Variants in ERC1 observed in about 807,000 individuals in gnomAD.
The protein encoded by ERC1 is RAB6 interacting protein 2.
A neutral mutation model predicts 132.0 loss-of-function variants in ERC1; 56 were observed. That is an observed-to-expected ratio of 0.42 (90% CI 0.34 to 0.53). The LOEUF (loss-of-function observed/expected upper bound fraction) is 0.53, where lower values mean the gene tolerates loss of function less well. ERC1 is among the 20% of genes least tolerant of loss of function. The pLI is 0.03. For synonymous variants in ERC1, 478 were observed against 476.1 expected (o/e 1.00, Z -0.05); for missense variants, 1,202 against 1,349.9 (o/e 0.89, Z 1.72).
rs529156327 is a variant in ERC1, at chr12:1,169,089, T to C, written c.1738-11451T>C. On this transcript the variant is annotated intron_variant, in intron 8 of 18. Transcript: ENST00000360905. ...ACACTGGTTTCTAGGTTTTACAAAA[T>C]CATAAAATATGTGTATGGTTCAAAT... Among the ~76,000 whole-genome samples, 315 of 152,280 alleles carry C rather than the reference T, an allele frequency of 2.1e-3. 1 individual carries two copies. The highest frequency in any genetic ancestry group is 3.2e-3 in the Non-Finnish European group (215 of 68,012).
At chr12:1,180,306 C>T in intron 8 of ERC1, among the ~76,000 whole-genome samples, 1 of 141,760 alleles carries the variant, frequency 7.1e-6, no homozygotes, top group Non-Finnish European at 1.5e-5. Flanking sequence ...TGCGCGCGCG[C>T]ATACACATGT....
At chr12:1,463,559 A>G (rs2093682503) in intron 18 of ERC1, among the ~76,000 whole-genome samples, 1 of 152,236 alleles carries the variant, frequency 6.6e-6, no homozygotes, top group Non-Finnish European at 1.5e-5. Flanking sequence ...CAAAAAACCT[A>G]AGGGCAGCAT....
At chr12:1,398,171 A>C (rs1328527207) in intron 16 of ERC1, among the ~76,000 whole-genome samples, 1 of 151,774 alleles carries the variant, frequency 6.6e-6, no homozygotes, top group Non-Finnish European at 1.5e-5. Flanking sequence ...TTTTGTAGAG[A>C]TGGGGTTTCA....
chr12:1,340,756 T>A lies in ERC1; in HGVS notation c.2781-31077T>A, dbSNP rs575486935. Among the ~76,000 whole-genome samples the A allele has an allele frequency of 1.2e-4, 19 of 152,252 alleles. 1 individual carries two copies. The highest frequency in any genetic ancestry group is 4.6e-4 in the African/African-American group (19 of 41,556). On this transcript the variant is annotated intron_variant, in intron 15 of 18. Transcript: ENST00000360905. Reference sequence around the variant, plus strand: ...CCACCTGGCTGCTTTTAGTAGGCTTTAGTGCCCTTCCCCTCTTTTTTAATA... The same window carrying A: ...CCACCTGGCTGCTTTTAGTAGGCTTAAGTGCCCTTCCCCTCTTTTTTAATA...
At chr12:1,266,845 A>G (rs1460168895) in intron 14 of ERC1, among the ~76,000 whole-genome samples, 2 of 152,214 alleles carry the variant, frequency 1.3e-5, no homozygotes, top group African/African-American at 2.4e-5. Flanking sequence ...CTCAGATTCA[A>G]AAGTTACCTG....
At chr12:1,180,463 A>G (rs1954319769) in intron 8 of ERC1, 77 bp from the exon 9 acceptor site, 1 of 1,378,242 alleles carries the variant, frequency 7.3e-7, no homozygotes, top group African/African-American at 1.4e-5. Context: ...CTGTTTTCAA[A>G]TTGAAATGAT....
intron 15 of ERC1, among the ~76,000 whole-genome samples, chr12:1,291,808 C>T (rs966920736): frequency 4.7e-4 from 72 of 152,238 alleles, no homozygotes; most frequent in Middle Eastern, 3.4e-3. Flanking sequence ...AGACGTAAAA[C>T]GGTTCACTTG....
intron 1 of ERC1, among the ~76,000 whole-genome samples, chr12:1,020,243 T>G (rs1487917114): frequency 2.6e-5 from 4 of 152,114 alleles, no homozygotes; most frequent in Non-Finnish European, 4.4e-5. Flanking sequence ...GATCGCCTGA[T>G]ATCAGGAGTT....
intron 18 of ERC1, among the ~76,000 whole-genome samples, chr12:1,487,934 C>G (rs191717413): frequency 9.2e-5 from 14 of 151,500 alleles, no homozygotes; most frequent in African/African-American, 3.1e-4. Context: ...GTCAGGAGAT[C>G]TAGACCATTC....
At chr12:1,214,699 CACAT>C (rs1211018958) in intron 12 of ERC1, among the ~76,000 whole-genome samples, 1 of 137,014 alleles carries the variant, frequency 7.3e-6, no homozygotes, top group Non-Finnish European at 1.5e-5. Flanking sequence ...CACACACACA[CACAT>C]ATGTTTGGGG....
chr12:1,397,630 A>G (rs767764918), intron 16 of ERC1, among the ~76,000 whole-genome samples: 1 of 152,224 alleles, frequency 6.6e-6, no homozygotes, highest in Admixed American at 6.5e-5. Flanking sequence ...TATGATTGCT[A>G]ATAATTGCAA....
chr12:1,342,831 C>T (rs895017406), intron 15 of ERC1, among the ~76,000 whole-genome samples: 2 of 152,124 alleles, frequency 1.3e-5, no homozygotes, highest in African/African-American at 4.8e-5. Context: ...CTATGCCATG[C>T]CACTAATTTA....
chr12:1,229,853 A>AT (rs1158372277), intron 12 of ERC1, among the ~76,000 whole-genome samples: 4 of 150,764 alleles, frequency 2.7e-5, no homozygotes, highest in African/African-American at 7.3e-5. Flanking sequence ...TCTTTTTTCT[A>AT]TTTTTTTGAG....
Position 1,400,437 on chromosome 12 carries a change from A to AT in ERC1, c.2926-7703dup, listed in dbSNP as rs200916802. ...TATAAATTTTGATGTGCTCCGATTT[A>AT]TTTTTTTTTCTTTTGCCGCTTTCGC... On this transcript the variant is annotated intron_variant, in intron 16 of 18. Coordinates refer to ENST00000360905, the MANE Select transcript of ERC1 (RefSeq NM_178040.4). Among the ~76,000 whole-genome samples the AT allele has an allele frequency of 5.1e-3, 776 of 150,942 alleles. 4 individuals are homozygous for AT. Among genetic ancestry groups the AT allele is most frequent in the African/African-American group, 6.8e-3 (279 of 41,134 alleles).
At chr12:1,190,176 T>C (rs2154276975) in intron 12 of ERC1, 124 bp downstream of exon 12, 1 of 892,146 alleles carries the variant, frequency 1.1e-6, no homozygotes, top group East Asian at 2.4e-5. Context: ...TTGCTATTAC[T>C]GTATTAGCTG....
intron 11 of ERC1, among the ~76,000 whole-genome samples, chr12:1,185,716 T>C (rs1330036119): frequency 6.7e-6 from 1 of 148,490 alleles, no homozygotes; most frequent in African/African-American, 2.6e-5. Flanking sequence ...CTTCCCGAAA[T>C]AGGAACTCTA....
chr12:1,338,376 G>T (rs1395562670), intron 15 of ERC1, among the ~76,000 whole-genome samples: 1 of 152,140 alleles, frequency 6.6e-6, no homozygotes, highest in African/African-American at 2.4e-5. Context: ...GTGTTTTTCA[G>T]CTCTGTCAGG....
chr12:1,140,390 G>C (rs982881431), intron 7 of ERC1, among the ~76,000 whole-genome samples: 2 of 152,136 alleles, frequency 1.3e-5, no homozygotes, highest in African/African-American at 2.4e-5. Flanking sequence ...TTCAGAGTTT[G>C]AGTTTGGGAA....
chr12:1,348,686 T>G (rs915307032), intron 15 of ERC1, among the ~76,000 whole-genome samples: 1 of 148,496 alleles, frequency 6.7e-6, no homozygotes, highest in African/African-American at 2.5e-5. Context: ...GAGTGAAGAC[T>G]CCATCTAAAA....
Sources: gnomAD v4.1 joint callset for allele counts (sites outside exome capture counted in the v4.1 genomes callset) on GRCh38, gnomAD v4.1.1 for gene constraint, MANE v1.5 for transcripts, NCBI Gene and HGNC (gene_info 2026-07-23, HGNC 2026-07-21) for gene names.